MALRD1: variants seen among roughly 807,000 people sequenced by gnomAD.
The protein encoded by MALRD1 is MAM and LDL-receptor class A domain-containing protein 1.
A neutral mutation model predicts 242.1 loss-of-function variants in MALRD1; 247 were observed. The ratio of observed to expected loss-of-function variants is 1.02; its 90% CI spans 0.92 to 1.13. MALRD1 has a LOEUF of 1.13. Among genes scored for constraint, MALRD1 ranks in the 50% most tolerant of loss-of-function variants. The probability of loss-of-function intolerance (pLI) is 0.00; values close to 1 mark genes in which losing one functional copy is unlikely to be tolerated. For synonymous variants in MALRD1, 995 were observed against 866.6 expected, an observed-to-expected ratio of 1.15 and a Z score of -2.60; for missense variants, 2,989 against 2,533.1, an observed-to-expected ratio of 1.18 and a Z score of -3.86.
Position 19,155,043 on chromosome 10 carries a change from G to T in MALRD1, c.1559-32G>T, listed in dbSNP as rs566400417. ...AACAGCTAAGTGTGTAAGAGAACTT[G>T]CATCCCTATGACTTTCCCTTTGTTT... On this transcript the variant is annotated intron_variant, in intron 11 of 39. Transcript: ENST00000454679. 1.2e-4 allele frequency: 141 copies of T among 1,172,026 alleles called. No individual in the cohort carries two copies. The African/African-American group carries it at 1.7e-3, about 14-fold the overall frequency. 72.6% of individuals were successfully genotyped at this position (1,172,026 alleles called of 1,614,324 possible).
intron 34 of MALRD1, among the ~76,000 whole-genome samples, chr10:19,596,294 A>G (rs1052543556): frequency 5.3e-5 from 8 of 152,020 alleles, no homozygotes; most frequent in African/African-American, 1.7e-4. Flanking sequence ...TACTTATTTT[A>G]TATTTTATAT....
intron 14 of MALRD1, among the ~76,000 whole-genome samples, chr10:19,180,215 C>G (rs929641233): frequency 6.6e-6 from 1 of 152,098 alleles, no homozygotes; most frequent in Non-Finnish European, 1.5e-5. Context: ...AGACTCTTTC[C>G]TCTGCATTCA....
intron 26 of MALRD1, among the ~76,000 whole-genome samples, chr10:19,376,335 G>A (rs1325109207): frequency 2.6e-5 from 4 of 152,076 alleles, no homozygotes; most frequent in African/African-American, 9.7e-5. Flanking sequence ...TTGCACTTGA[G>A]TTCCTGCTTC....
intron 33 of MALRD1, among the ~76,000 whole-genome samples, chr10:19,572,384 T>C (rs1213987735): frequency 6.6e-6 from 1 of 152,216 alleles, no homozygotes; most frequent in African/African-American, 2.4e-5. Context: ...GACAGCACTG[T>C]TAGGACATTG....
At chr10:19,435,398 T>C (rs1834314512) in intron 28 of MALRD1, among the ~76,000 whole-genome samples, 1 of 152,096 alleles carries the variant, frequency 6.6e-6, no homozygotes, top group African/African-American at 2.4e-5. Flanking sequence ...CAGATTTCCT[T>C]GGTTTTAGAC....
In MALRD1 at chr10:19,209,968, G is replaced by T. The variant is rs143984440; in HGVS notation, c.2991+288G>T. Among the ~76,000 whole-genome samples the T allele has an allele frequency of 4.7e-3, 723 of 152,256 alleles. 6 individuals carry two copies. Among genetic ancestry groups the T allele is most frequent in the Middle Eastern group, 0.017 (5 of 294 alleles). On this transcript the variant is annotated intron_variant, in intron 18 of 39. Transcript: ENST00000454679. ...TTGCTTTACTGAAATGAACAACCTG[G>T]AAGTGGAGGGAAGAGTTTTGCACAA... is the stretch of plus-strand genomic sequence containing the variant.
intron 26 of MALRD1, among the ~76,000 whole-genome samples, chr10:19,374,032 G>A (rs1323007222): frequency 6.6e-6 from 1 of 152,096 alleles, no homozygotes; most frequent in African/African-American, 2.4e-5. Context: ...TTGTTTAAGC[G>A]GCTATTTGTG....
At position 19,621,457 on chromosome 10, in the gene MALRD1, G is replaced by C. The variant is rs368810958; in HGVS notation, c.6137+5534G>C. The stretch of plus-strand genomic sequence containing the variant: ...GAAAAAATGAAATTGAAAAAGTAAA[G>C]ATTAAATTATCATTTTCAAAGGATG... On this transcript the variant is annotated intron_variant, in intron 36 of 39. Coordinates refer to ENST00000454679, the MANE Select transcript of MALRD1 (RefSeq NM_001142308.3). Among the ~76,000 whole-genome samples the C allele has an allele frequency of 2.2e-3, 333 of 149,902 alleles. 1 individual carries two copies. The highest frequency in any genetic ancestry group is 7.5e-3 in the African/African-American group (309 of 40,946).
intron 31 of MALRD1, among the ~76,000 whole-genome samples, chr10:19,510,022 G>A (rs1833323981): frequency 2.0e-5 from 3 of 152,190 alleles, no homozygotes; most frequent in South Asian, 2.1e-4. Context: ...AGAGGGGGAT[G>A]TGGCAGGACA....
At chr10:19,128,166 G>T in intron 7 of MALRD1, 55 bp from the exon 8 acceptor site, 1 of 1,171,980 alleles carries the variant, frequency 8.5e-7, no homozygotes, top group Non-Finnish European at 1.1e-6. Context: ...GTTTTAGTCA[G>T]ACAGAAAGAA....
At chr10:19,633,350 C>G (rs1483137513) in intron 36 of MALRD1, among the ~76,000 whole-genome samples, 9 of 152,128 alleles carry the variant, frequency 5.9e-5, no homozygotes, top group African/African-American at 1.9e-4. Flanking sequence ...AGGGGACTTC[C>G]CAGAGAGCAT....
intron 33 of MALRD1, among the ~76,000 whole-genome samples, chr10:19,573,998 T>C (rs1836681792): frequency 6.6e-6 from 1 of 152,224 alleles, no homozygotes; most frequent in African/African-American, 2.4e-5. Context: ...AATGTCATCA[T>C]AGGGCATCCT....
At chr10:19,660,530 G>A (rs1841381199) in intron 36 of MALRD1, among the ~76,000 whole-genome samples, 1 of 152,076 alleles carries the variant, frequency 6.6e-6, no homozygotes, top group Non-Finnish European at 1.5e-5. Context: ...CAGTCATCAG[G>A]CACCATGTTA....
chr10:19,627,264 A>C (rs113193717), intron 36 of MALRD1, among the ~76,000 whole-genome samples: 82 of 152,168 alleles, frequency 5.4e-4, no homozygotes, highest in Non-Finnish European at 1.0e-3. Context: ...GCATACAAGA[A>C]TAGTTTAAAA....
At chr10:19,266,139 T>A (rs180959427) in intron 19 of MALRD1, among the ~76,000 whole-genome samples, 6 of 127,796 alleles carry the variant, frequency 4.7e-5, no homozygotes, top group Non-Finnish European at 9.8e-5. Context: ...CAGCACATTA[T>A]TGGATATTGT....
At chr10:19,272,105 C>A (rs187447002) in intron 19 of MALRD1, among the ~76,000 whole-genome samples, 178 of 152,026 alleles carry the variant, frequency 1.2e-3, no homozygotes, top group Non-Finnish European at 2.1e-3. Flanking sequence ...AGATTATAAT[C>A]ATAGATAATA....
chr10:19,528,586 C>T (rs982330690), intron 31 of MALRD1, among the ~76,000 whole-genome samples: 21 of 151,916 alleles, frequency 1.4e-4, no homozygotes, highest in Admixed American at 7.9e-4. Context: ...AGCAAGACTC[C>T]GTCTCTAAAT....
chr10:19,188,335 G>A (rs1835826225), intron 14 of MALRD1, among the ~76,000 whole-genome samples: 1 of 152,180 alleles, frequency 6.6e-6, no homozygotes, highest in African/African-American at 2.4e-5. Context: ...TTGGACTTGT[G>A]TTGGGTCATT....
intron 29 of MALRD1, among the ~76,000 whole-genome samples, chr10:19,477,040 T>G (rs1336892318): frequency 6.6e-6 from 1 of 152,194 alleles, no homozygotes; most frequent in Non-Finnish European, 1.5e-5. Context: ...TATATAATTC[T>G]TGATTTTTTC....
Sources: allele counts gnomAD v4.1 joint callset (sites outside exome capture counted in the v4.1 genomes callset), GRCh38; gene constraint gnomAD v4.1.1; transcripts MANE v1.5; gene names NCBI Gene and HGNC (gene_info 2026-07-23, HGNC 2026-07-21).